Variants in STX5 observed in about 807,000 individuals in gnomAD.
The protein encoded by STX5 is syntaxin 5, also known as syntaxin-5.
A neutral mutation model predicts 42.9 loss-of-function variants in STX5; 15 were observed. The observed-to-expected ratio is 0.35, with a 90% CI of 0.23 to 0.54. STX5 has a LOEUF of 0.54. Among genes scored for constraint, STX5 ranks in the 20% least tolerant of loss-of-function variants. The pLI is 0.91. For synonymous variants in STX5, 184 were observed against 173.2 expected, an observed-to-expected ratio of 1.06 and a Z score of -0.49; for missense variants, 430 against 455.0, an observed-to-expected ratio of 0.95 and a Z score of 0.50.
At chr11:62,825,580 G>T (rs1032487531) in intron 5 of STX5, 41 bp from the exon 6 acceptor site, 2 of 1,573,252 alleles carry the variant, frequency 1.3e-6, no homozygotes, top group African/African-American at 2.7e-5. Context: ...ATTAGCCAAG[G>T]AGTCCTTAGT....
In STX5 at chr11:62,807,384, C is replaced by G; in HGVS notation, c.*85G>C. 6.5e-7 allele frequency: 1 copy of G among 1,541,704 alleles called. No individual in the cohort carries two copies. The highest frequency in any genetic ancestry group is 8.8e-7 in the Non-Finnish European group (1 of 1,142,476). On this transcript the variant is annotated 3_prime_UTR_variant, in exon 11 of 11. Transcript: ENST00000294179. Reference sequence around the variant, plus strand: ...AAACAGGGCCTTTCTCCCAAGTACCCTGCACAGGCTCAGTGGCAGCACTGG... The same window carrying G: ...AAACAGGGCCTTTCTCCCAAGTACCGTGCACAGGCTCAGTGGCAGCACTGG...
chr11:62,824,339 A>C, intron 9 of STX5, 52 bp from the exon 10 acceptor site: 1 of 1,613,254 alleles, frequency 6.2e-7, no homozygotes, highest in Middle Eastern at 1.7e-4. Context: ...TCAGGGTCAG[A>C]CCTGCATTTT....
In STX5 at chr11:62,831,156, T is replaced by G. The variant is rs753671331; in HGVS notation, c.88A>C (p.Thr30Pro). The change falls in exon 2 of 11, where the codon ACT (threonine) becomes CCT (proline). Residue 30 changes from threonine to proline, a missense_variant. Coordinates refer to ENST00000294179, the MANE Select transcript of STX5 (RefSeq NM_003164.5). ...ATGTCGCTGCTGCTACTGCCAGCAG[T>G]TGCAGGGGACAGGACCTGTGTCTTT... ...LSKTQVLSPA[T>P]AGSSSSDIAP... The G allele has an allele frequency of 1.9e-6, 3 of 1,561,106 alleles. No homozygotes were observed. The East Asian group carries it at 7.0e-5, about 36-fold the overall frequency.
At chr11:62,814,095 CTAA>C (rs199844832) in intron 10 of STX5, among the ~76,000 whole-genome samples, 2 of 152,118 alleles carry the variant, frequency 1.3e-5, no homozygotes, top group East Asian at 1.9e-4. Context: ...ATTGCCCTAA[CTAA>C]TAATAAGACA....
chr11:62,827,923 T>C (rs758799282), intron 2 of STX5, among the ~76,000 whole-genome samples: 18 of 151,620 alleles, frequency 1.2e-4, no homozygotes, highest in Non-Finnish European at 2.2e-4. Context: ...CATCTCCTAT[T>C]GTTGCTAAGG....
At chr11:62,826,006 C>A (rs991247223) in intron 5 of STX5, among the ~76,000 whole-genome samples, 1 of 152,138 alleles carries the variant, frequency 6.6e-6, no homozygotes, top group African/African-American at 2.4e-5. Context: ...TGTAAACCCA[C>A]CACTTTGAGA....
rs776264316 is a variant in STX5, at chr11:62,824,136, C to T, written c.908+30G>A. 6 of 1,614,050 alleles carry T rather than the reference C, an allele frequency of 3.7e-6. No homozygotes were observed. In the South Asian group the frequency reaches 6.6e-5, roughly 18 times the overall value. ...CCAATCCACGGGGAAGAGAAAGCTC[C>T]TCTGTTTGGGGCGAGAGAGTGTATC... is the stretch of plus-strand genomic sequence containing the variant. On this transcript the variant is annotated intron_variant, in intron 10 of 10. Transcript: ENST00000294179.
chr11:62,816,841 G>A (rs2084679195), intron 10 of STX5, among the ~76,000 whole-genome samples: 1 of 151,248 alleles, frequency 6.6e-6, no homozygotes, highest in Non-Finnish European at 1.5e-5. Flanking sequence ...GTTGCAGTGA[G>A]CCGAGATTGC....
intron 2 of STX5, among the ~76,000 whole-genome samples, chr11:62,829,214 C>T (rs759002487): frequency 5.3e-5 from 8 of 151,866 alleles, no homozygotes; most frequent in Non-Finnish European, 1.2e-4. Flanking sequence ...CACCTGAGGT[C>T]GGGAGTTTGA....
At chr11:62,807,788 T>C in intron 10 of STX5, 160 bp from the exon 11 acceptor site, 1 of 1,355,554 alleles carries the variant, frequency 7.4e-7, no homozygotes, top group Non-Finnish European at 9.8e-7. Flanking sequence ...ATAAACAAGT[T>C]ATTTCTGGTT....
intron 10 of STX5, among the ~76,000 whole-genome samples, chr11:62,808,433 GAA>G (rs57347651): frequency 0.079 from 9,557 of 121,422 alleles, 352 homozygotes; most frequent in East Asian, 0.17. Context: ...GCCTCAGGGG[GAA>G]AAAAAAAAAA....
At chr11:62,826,710 C>G (rs746703046) in intron 5 of STX5, among the ~76,000 whole-genome samples, 3 of 151,844 alleles carry the variant, frequency 2.0e-5, no homozygotes, top group Non-Finnish European at 2.9e-5. Flanking sequence ...CATACCCCGT[C>G]TCTACTAAAG....
chr11:62,823,953 C>T, intron 10 of STX5: 1 of 644,156 alleles, frequency 1.6e-6, no homozygotes. Flanking sequence ...GTTCTACTTG[C>T]CACTGTATCT....
chr11:62,830,418 A>G, intron 2 of STX5: 1 of 405,670 alleles, frequency 2.5e-6, no homozygotes, highest in Non-Finnish European at 4.9e-6. Flanking sequence ...TGAGTGGTGC[A>G]TCCATGTAGT....
intron 2 of STX5, chr11:62,830,228 T>TGG (rs2084841267): frequency 6.1e-6 from 1 of 163,118 alleles, no homozygotes; most frequent in Admixed American, 6.1e-5. Flanking sequence ...CTCTAACTCC[T>TGG]GGCCTCAAGT....
chr11:62,815,080 T>C (rs1308304717), intron 10 of STX5, among the ~76,000 whole-genome samples: 3 of 151,648 alleles, frequency 2.0e-5, no homozygotes, highest in Admixed American at 1.3e-4. Context: ...CGATCTCGGC[T>C]CACTGAAACC....
chr11:62,825,273 T>C lies in STX5; in HGVS notation c.597+10A>G, dbSNP rs774950896. On this transcript the variant is annotated intron_variant, in intron 7 of 10. Transcript: ENST00000294179. ...CATATTCCTACCCCTCCTACGCAGA[T>C]TGTTCTCACCTCTGTCCTCACTTCT... 6.8e-6 allele frequency: 11 copies of C among 1,614,144 alleles called. No homozygotes were observed. The highest frequency in any genetic ancestry group is 2.2e-5 in the East Asian group (1 of 44,890).
At position 62,807,581 on chromosome 11, in the gene STX5, T is replaced by C. The variant is rs1459947011; in HGVS notation, c.956A>G (p.His319Arg). The C allele has an allele frequency of 1.9e-6, 3 of 1,614,156 alleles. No individual in the cohort carries two copies. Among genetic ancestry groups the C allele is most frequent in the South Asian group, 1.1e-5 (1 of 91,072 alleles). Reference protein sequence around the residue: ...LGAQLDVEAAHSEILKYFQSV... With the variant: ...LGAQLDVEAARSEILKYFQSV... ...CTGGAAGTACTTGAGGATCTCTGAA[T>C]GGGCGGCCTCAACGTCCAGCTGGGC... The change falls in exon 11 of 11, where the codon CAT becomes CGT. Residue 319 changes from histidine to arginine, a missense_variant. His to Arg is a conservative substitution (Grantham distance 29, BLOSUM62 0). Coordinates refer to ENST00000294179, the MANE Select transcript of STX5 (RefSeq NM_003164.5).
chr11:62,828,491 C>G (rs1001523656), intron 2 of STX5, among the ~76,000 whole-genome samples: 16 of 152,176 alleles, frequency 1.1e-4, no homozygotes, highest in Admixed American at 3.9e-4. Context: ...CTTTGGAAAG[C>G]TGAGGCAGGC....
Sources: gnomAD v4.1 joint callset for allele counts (sites outside exome capture counted in the v4.1 genomes callset) on GRCh38, gnomAD v4.1.1 for gene constraint, MANE v1.5 for transcripts, NCBI Gene and HGNC (gene_info 2026-07-23, HGNC 2026-07-21) for gene names.